The following DNAI2 variants were observed in gnomAD, a reference collection of about 807,000 sequenced individuals.
The protein encoded by DNAI2 is dynein, axonemal, intermediate polypeptide 2.
In DNAI2, 63 loss-of-function variants were observed where a neutral mutation model predicts 74.7. That is an observed-to-expected ratio of 0.84 (90% CI 0.69 to 1.04). The LOEUF is 1.04. DNAI2 is among the 50% of genes least tolerant of loss of function. The pLI, the probability that DNAI2 is intolerant of heterozygous loss-of-function variation, is 0.00. For missense variants in DNAI2, 688 were observed against 803.2 expected, an observed-to-expected ratio of 0.86 and a Z score of 1.73; for synonymous variants, 289 against 314.9, an observed-to-expected ratio of 0.92 and a Z score of 0.87.
chr17:74,307,317 C>T, intron 9 of DNAI2: 1 of 456,152 alleles, frequency 2.2e-6, no homozygotes, highest in Non-Finnish European at 4.4e-6. Flanking sequence ...GTCGTAGAAC[C>T]TGGGTCTCCC....
chr17:74,276,331 C>G (rs1196310753), intron 1 of DNAI2, among the ~76,000 whole-genome samples: 1 of 152,170 alleles, frequency 6.6e-6, no homozygotes, highest in Non-Finnish European at 1.5e-5. Context: ...GTGTTTGAGA[C>G]TCACAGTGGT....
chr17:74,306,034 C>T (rs2053173526), intron 9 of DNAI2, among the ~76,000 whole-genome samples: 1 of 152,198 alleles, frequency 6.6e-6, no homozygotes, highest in Admixed American at 6.5e-5. Flanking sequence ...TTCTCTTCAT[C>T]TCATTTTTCA....
intron 1 of DNAI2, among the ~76,000 whole-genome samples, chr17:74,280,790 G>A (rs1398688062): frequency 6.6e-6 from 1 of 152,096 alleles, no homozygotes; most frequent in Non-Finnish European, 1.5e-5. Context: ...CACTGATTCA[G>A]TAAAAACCGT....
At chr17:74,290,912 C>A in intron 5 of DNAI2, 108 bp from the exon 6 acceptor site, 2 of 948,290 alleles carry the variant, frequency 2.1e-6, no homozygotes, top group Non-Finnish European at 3.5e-6. Flanking sequence ...TCCAGGCTTC[C>A]CCCTCTGCCA....
intron 6 of DNAI2, among the ~76,000 whole-genome samples, chr17:74,293,907 C>T (rs867944679): frequency 2.0e-5 from 3 of 151,572 alleles, no homozygotes; most frequent in South Asian, 2.1e-4. Context: ...CCTCAGCCTC[C>T]CGAGTAGCTG....
Position 74,282,091 on chromosome 17 carries a change from C to A in DNAI2, c.183+91C>A. 2.7e-6 allele frequency: 4 copies of A among 1,484,142 alleles called. No individual in the cohort carries two copies. The Admixed American group carries it at 7.0e-5, about 26-fold the overall frequency. The allele number at this position is 1,484,142 out of a possible 1,614,324, so 91.9% of individuals were successfully genotyped here. A position where few individuals can be genotyped will look rare whatever the true frequency, so the allele number is the denominator to read the frequency against. On this transcript the variant is annotated intron_variant, in intron 2 of 13. Coordinates refer to ENST00000311014, the MANE Select transcript of DNAI2 (RefSeq NM_023036.6). ...GGTGAGTGGTTCTGTGGGTCCTTGT[C>A]CACCTGAAAGCCAGTTAGAGTAGAC...
intron 4 of DNAI2, among the ~76,000 whole-genome samples, chr17:74,288,032 AC>A (rs371267856): frequency 5.9e-4 from 90 of 152,160 alleles, no homozygotes; most frequent in African/African-American, 2.1e-3. Flanking sequence ...TGAAAACCAA[AC>A]CAAAACAAAG....
chr17:74,277,963 T>C (rs781473279), intron 1 of DNAI2, among the ~76,000 whole-genome samples: 5 of 152,212 alleles, frequency 3.3e-5, no homozygotes, highest in Non-Finnish European at 5.9e-5. Context: ...GAGATTCTGA[T>C]GTAGTTGTTC....
chr17:74,301,150 G>A lies in DNAI2; in HGVS notation c.969G>A (p.Leu323=). 1 of 1,613,954 alleles carries A rather than the reference G, an allele frequency of 6.2e-7. No homozygotes were observed. The highest frequency in any genetic ancestry group is 8.5e-7 in the Non-Finnish European group (1 of 1,179,900). ...QLENALGAIS[L]EFESTLPTKF... is the part of the protein sequence containing the mutation. ...AAAATGCCTTGGGGGCCATCTCCCTGGAGTTCGAATCTACTTTGGTGAGTG... is the reference window on the plus strand; with the variant it reads ...AAAATGCCTTGGGGGCCATCTCCCTAGAGTTCGAATCTACTTTGGTGAGTG... The change falls in exon 8 of 14, where the codon CTG becomes CTA. Residue 323 remains leucine, a synonymous_variant. Coordinates refer to ENST00000311014, the MANE Select transcript of DNAI2 (RefSeq NM_023036.6).
intron 6 of DNAI2, among the ~76,000 whole-genome samples, chr17:74,291,667 G>A (rs1049034091): frequency 6.6e-6 from 1 of 152,162 alleles, no homozygotes; most frequent in Admixed American, 6.6e-5. Context: ...AAAATAAACA[G>A]TTTTAAAAAA....
Position 74,291,040 on chromosome 17 carries a change from C to A in DNAI2, c.631C>A (p.Leu211Ile), listed in dbSNP as rs772245017. 1 of 1,614,116 alleles carries A rather than the reference C, an allele frequency of 6.2e-7. No individual in the cohort carries two copies. The highest frequency in any genetic ancestry group is 1.7e-5 in the Admixed American group (1 of 60,000). The change falls in exon 6 of 14, where the codon CTT (leucine) becomes ATT (isoleucine). Residue 211 changes from leucine (L) to isoleucine (I), a missense_variant. Transcript: ENST00000311014. ...WDLENPNKPE[L>I]ALKPSSPLVT... is the part of the protein sequence containing the mutation. Reference sequence around the variant, plus strand: ...TATAGAAAACCCCAACAAGCCTGAACTTGCTCTGAAGCCATCGTCTCCACT... The same window carrying A: ...TATAGAAAACCCCAACAAGCCTGAAATTGCTCTGAAGCCATCGTCTCCACT...
intron 3 of DNAI2, among the ~76,000 whole-genome samples, chr17:74,286,247 G>A (rs2051720610): frequency 1.3e-5 from 2 of 150,610 alleles, no homozygotes; most frequent in African/African-American, 4.9e-5. Context: ...AGTGAGTCCA[G>A]ATCGCACCCC....
intron 11 of DNAI2, among the ~76,000 whole-genome samples, chr17:74,310,570 G>A (rs767036995): frequency 2.0e-5 from 3 of 151,106 alleles, no homozygotes; most frequent in South Asian, 2.1e-4. Flanking sequence ...ACAAAGTCAC[G>A]CTCTGTTGCC....
intron 6 of DNAI2, among the ~76,000 whole-genome samples, chr17:74,297,017 T>C (rs1344022926): frequency 6.6e-6 from 1 of 152,212 alleles, no homozygotes; most frequent in Non-Finnish European, 1.5e-5. Context: ...ACTGCTATTA[T>C]GGAGGAGAGA....
At position 74,305,267 on chromosome 17, in the gene DNAI2, A is replaced by G; in HGVS notation, c.1036A>G (p.Asn346Asp). 2 of 1,614,206 alleles carry G rather than the reference A, an allele frequency of 1.2e-6. No homozygotes were observed. Among genetic ancestry groups the G allele is most frequent in the Non-Finnish European group, 1.7e-6 (2 of 1,180,040 alleles). ...GTEQGIVISC[N>D]RKAKTSAEKI... ...CGAGCAGGGCATCGTCATCTCCTGC[A>G]ACCGCAAGGCCAAGACGTCAGCTGA... The change falls in exon 9 of 14, where the codon AAC becomes GAC. Residue 346 changes from asparagine (N) to aspartate (D), a missense_variant. Coordinates refer to ENST00000311014, the MANE Select transcript of DNAI2 (RefSeq NM_023036.6).
intron 8 of DNAI2, among the ~76,000 whole-genome samples, chr17:74,304,196 T>TTTC (rs1567868652): frequency 7.9e-6 from 1 of 126,942 alleles, no homozygotes; most frequent in African/African-American, 3.3e-5. Flanking sequence ...CTTTTTTTTT[T>TTTC]TTTTTTTTTT....
chr17:74,311,400 G>A (rs947238458), intron 11 of DNAI2, among the ~76,000 whole-genome samples: 31 of 152,238 alleles, frequency 2.0e-4, no homozygotes, highest in Admixed American at 7.8e-4. Context: ...GATCACCTGA[G>A]GTCGGGAGTT....
At chr17:74,311,247 T>C (rs2053504067) in intron 11 of DNAI2, among the ~76,000 whole-genome samples, 1 of 152,170 alleles carries the variant, frequency 6.6e-6, no homozygotes, top group Admixed American at 6.5e-5. Context: ...GATCCATTCC[T>C]ACATCCTTTC....
At chr17:74,301,307 G>A in intron 8 of DNAI2, 139 bp downstream of exon 8, 1 of 1,279,610 alleles carries the variant, frequency 7.8e-7, no homozygotes, top group South Asian at 1.2e-5. Context: ...AGCCATCCTA[G>A]ACGTGTGTGG....
Sources: allele counts gnomAD v4.1 joint callset (sites outside exome capture counted in the v4.1 genomes callset), GRCh38; gene constraint gnomAD v4.1.1; transcripts MANE v1.5; gene names NCBI Gene and HGNC (gene_info 2026-07-23, HGNC 2026-07-21).